SLC4A4: variants seen among roughly 807,000 people sequenced by gnomAD.
The protein encoded by SLC4A4 is electrogenic sodium bicarbonate cotransporter 1.
Under a neutral mutation model 111.5 loss-of-function variants are expected in SLC4A4, and 27 were observed. The ratio of observed to expected loss-of-function variants is 0.24; its 90% CI spans 0.18 to 0.33. The LOEUF (loss-of-function observed/expected upper bound fraction) is 0.33. Ranked by LOEUF, SLC4A4 falls within the 10% of genes least tolerant of loss-of-function variation. SLC4A4 has a pLI of 1.00. For missense variants in SLC4A4, 909 were observed against 1,315.5 expected, an observed-to-expected ratio of 0.69 and a Z score of 4.78; for synonymous variants, 443 against 463.4, an observed-to-expected ratio of 0.96 and a Z score of 0.57.
intron 7 of SLC4A4, among the ~76,000 whole-genome samples, chr4:71,414,376 T>A (rs1033626386): frequency 1.3e-5 from 2 of 152,188 alleles, no homozygotes; most frequent in African/African-American, 4.8e-5. Context: ...TAAACTATAC[T>A]AGGGTGGAGC....
intron 22 of SLC4A4, 65 bp from the exon 23 acceptor site, chr4:71,560,028 A>G: frequency 2.4e-6 from 3 of 1,253,442 alleles, no homozygotes; most frequent in Admixed American, 1.7e-5. Flanking sequence ...ATAGGAGAGT[A>G]TCTATGCTTG....
intron 20 of SLC4A4, among the ~76,000 whole-genome samples, chr4:71,549,285 C>T (rs892555731): frequency 1.3e-5 from 2 of 151,872 alleles, no homozygotes; most frequent in Non-Finnish European, 2.9e-5. Flanking sequence ...ACCAGCACAT[C>T]AGCTGGTGGA....
intron 7 of SLC4A4, among the ~76,000 whole-genome samples, chr4:71,405,224 C>G (rs6827732): frequency 0.12 from 18,988 of 151,948 alleles, 1,505 homozygotes; most frequent in African/African-American, 0.22. Flanking sequence ...AAAATTTAAA[C>G]AAAGCAAAAA....
At chr4:71,273,173 A>G (rs1021340290) in intron 3 of SLC4A4, among the ~76,000 whole-genome samples, 4 of 152,218 alleles carry the variant, frequency 2.6e-5, no homozygotes, top group African/African-American at 9.7e-5. Flanking sequence ...TGAAATGTAG[A>G]GAAGTGAGTA....
chr4:71,333,221 C>G (rs372701122), intron 3 of SLC4A4, among the ~76,000 whole-genome samples: 2 of 152,216 alleles, frequency 1.3e-5, no homozygotes, highest in African/African-American at 2.4e-5. Context: ...GATATGATAT[C>G]GCTGCAGCCA....
chr4:71,337,128 G>A (rs1024919917), intron 3 of SLC4A4, among the ~76,000 whole-genome samples: 6 of 152,114 alleles, frequency 3.9e-5, no homozygotes, highest in South Asian at 2.1e-4. Context: ...TGTTAGTTAC[G>A]TAGTGATTTA....
chr4:71,323,309 T>G (rs1418036425), intron 3 of SLC4A4, among the ~76,000 whole-genome samples: 1 of 151,814 alleles, frequency 6.6e-6, no homozygotes, highest in Non-Finnish European at 1.5e-5. Context: ...CTTCTGGTGG[T>G]TTTTTTTCTA....
At chr4:71,182,714 TCACACA>T (rs77414889), upstream of SLC4A4, among the ~76,000 whole-genome samples, 3,727 of 146,430 alleles carry the variant, frequency 0.025, 159 homozygotes, top group African/African-American at 0.086. Flanking sequence ...TATGTACATT[TCACACA>T]CACACACACA....
At chr4:71,290,558 T>G (rs1001339840) in intron 3 of SLC4A4, among the ~76,000 whole-genome samples, 3 of 152,202 alleles carry the variant, frequency 2.0e-5, no homozygotes, top group African/African-American at 7.2e-5. Context: ...CAAAAGTGCA[T>G]CAGGGATTTT....
At chr4:71,477,355 T>C (rs1294216908) in intron 14 of SLC4A4, among the ~76,000 whole-genome samples, 3 of 151,796 alleles carry the variant, frequency 2.0e-5, no homozygotes, top group Non-Finnish European at 4.4e-5. Flanking sequence ...TTTAATCTTA[T>C]AATAGTTGTA....
chr4:71,107,804 C>T (rs1297435368), intron 2 of SLC4A4, among the ~76,000 whole-genome samples: 1 of 151,488 alleles, frequency 6.6e-6, no homozygotes, highest in Non-Finnish European at 1.5e-5. Flanking sequence ...AACTCCTGTG[C>T]TTAAGCAATC....
At chr4:71,436,301 C>T (rs772047397) in intron 7 of SLC4A4, among the ~76,000 whole-genome samples, 5 of 152,098 alleles carry the variant, frequency 3.3e-5, no homozygotes, top group Non-Finnish European at 7.4e-5. Flanking sequence ...AGCAAACTAA[C>T]AGAAGAACAG....
At chr4:71,291,693 C>T (rs1240046209) in intron 3 of SLC4A4, among the ~76,000 whole-genome samples, 2 of 152,204 alleles carry the variant, frequency 1.3e-5, no homozygotes, top group Non-Finnish European at 2.9e-5. Context: ...AAAGGGTCCT[C>T]AGCCCACACT....
At chr4:71,380,558 A>G (rs77636402) in intron 6 of SLC4A4, among the ~76,000 whole-genome samples, 2,444 of 152,338 alleles carry the variant, frequency 0.016, 33 homozygotes, top group Middle Eastern at 0.071. Flanking sequence ...TGGCTGCTCC[A>G]TGCATCTGGG....
At chr4:71,139,599 G>A (rs527514784) in intron 2 of SLC4A4, among the ~76,000 whole-genome samples, 3 of 152,274 alleles carry the variant, frequency 2.0e-5, no homozygotes, top group Non-Finnish European at 2.9e-5. Flanking sequence ...ATCCATCTGC[G>A]AATGTCTCCA....
rs571761792 is a variant in SLC4A4 at position 71,462,447 on chromosome 4, C to T, written c.1498-3997C>T. Among the ~76,000 whole-genome samples, 27 of 130,172 alleles carry T rather than the reference C, an allele frequency of 2.1e-4. No individual in the cohort carries two copies. In the South Asian group the frequency reaches 3.1e-3, roughly 15 times the overall value. The allele number at this position is 130,172 out of a possible 152,430, so 85.4% of individuals were successfully genotyped here. ...TTTTTTTTTTTTTTTTTGAAACTGTCGCCTAGGCTGGAGTGGAGTGGCGTG... is the reference window on the plus strand; with the variant it reads ...TTTTTTTTTTTTTTTTTGAAACTGTTGCCTAGGCTGGAGTGGAGTGGCGTG... On this transcript the variant is annotated intron_variant, in intron 12 of 25. Coordinates refer to ENST00000264485, the MANE Select transcript of SLC4A4 (RefSeq NM_001098484.3).
intron 1 of SLC4A4, among the ~76,000 whole-genome samples, chr4:71,085,985 G>T (rs368617298): frequency 1.1e-3 from 162 of 151,984 alleles, no homozygotes; most frequent in East Asian, 7.9e-3. Context: ...ATCTATAAAT[G>T]ACCTTGGGCA....
intron 1 of SLC4A4, among the ~76,000 whole-genome samples, chr4:71,196,243 AAGTACTAATTAC>A (rs1174371081): frequency 6.6e-6 from 1 of 152,178 alleles, no homozygotes; most frequent in African/African-American, 2.4e-5. Flanking sequence ...GACTTTGCTA[AAGTACTAATTAC>A]AGTTGCTTTG....
chr4:71,077,298 T>C (rs1386783871), intron 1 of SLC4A4, among the ~76,000 whole-genome samples: 3 of 151,856 alleles, frequency 2.0e-5, no homozygotes, highest in Non-Finnish European at 2.9e-5. Flanking sequence ...GTAGCTGGGA[T>C]TACAGGTGCC....
Sources: allele counts gnomAD v4.1 joint callset (sites outside exome capture counted in the v4.1 genomes callset), GRCh38; gene constraint gnomAD v4.1.1; transcripts MANE v1.5; gene names NCBI Gene and HGNC (gene_info 2026-07-23, HGNC 2026-07-21).